The following TTLL1 variants were observed in gnomAD, a reference collection of about 807,000 sequenced individuals.
The protein encoded by TTLL1 is TTL family tubulin polyglutamylase complex subunit L1, also known as polyglutamylase complex subunit TTLL1.
TTLL1 carries 33 observed loss-of-function variants against 47.8 expected under a neutral mutation model. The observed-to-expected ratio is 0.69, with a 90% CI of 0.52 to 0.92. The LOEUF is 0.92. TTLL1 is among the 40% of genes least tolerant of loss of function. The pLI is 0.00. For missense variants in TTLL1, 488 were observed against 547.5 expected (o/e 0.89, Z 1.08); for synonymous variants, 225 against 214.1 (o/e 1.05, Z -0.45).
intron 1 of TTLL1, among the ~76,000 whole-genome samples, chr22:43,083,894 T>C (rs538197564): frequency 4.7e-4 from 72 of 152,232 alleles, no homozygotes; most frequent in African/African-American, 1.6e-3. Flanking sequence ...AAAAAGGATA[T>C]GTGTCAGCTA....
At chr22:43,043,449 T>C (rs1260128673) in intron 10 of TTLL1, among the ~76,000 whole-genome samples, 3 of 151,252 alleles carry the variant, frequency 2.0e-5, no homozygotes, top group Non-Finnish European at 4.4e-5. Flanking sequence ...ACAGACCCCC[T>C]CAGTCCTCCA....
Position 43,042,704 on chromosome 22 carries a change from C to T in TTLL1, c.1143-2799G>A, listed in dbSNP as rs375385748. 9.2e-5 allele frequency among the ~76,000 whole-genome samples: 14 copies of T among 152,248 alleles called. No homozygotes were observed. The East Asian group carries it at 1.5e-3, about 17-fold the overall frequency. On this transcript the variant is annotated intron_variant, in intron 10 of 10. Coordinates refer to ENST00000266254, the MANE Select transcript of TTLL1 (RefSeq NM_012263.5). ...GATGACGTGGCCCTCCCAGTCAGCA[C>T]CAACTGCTACTGCTGCTGGTGGCTG...
Position 43,051,731 on chromosome 22 carries a change from C to A in TTLL1, c.978+70G>T, listed in dbSNP as rs1340574306. On this transcript the variant is annotated intron_variant, in intron 9 of 10. Coordinates refer to ENST00000266254, the MANE Select transcript of TTLL1 (RefSeq NM_012263.5). ...ATCTGGGGCCTGGGGGACTGCTGGGCCCGAATCGGGGCAGAAGTGTGTTGG... is the reference window on the plus strand; with the variant it reads ...ATCTGGGGCCTGGGGGACTGCTGGGACCGAATCGGGGCAGAAGTGTGTTGG... 9 of 1,474,314 alleles carry A rather than the reference C, an allele frequency of 6.1e-6. No homozygotes were observed. In the East Asian group the frequency reaches 1.8e-4, roughly 30 times the overall value. The allele number at this position is 1,474,314 out of a possible 1,614,324, so 91.3% of individuals were successfully genotyped here.
rs1926650151 is a variant in TTLL1 at position 43,051,861 on chromosome 22, G to A, written c.918C>T (p.Cys306=). ...VAPVMNNDKH[C]FECYGYDIII... Reference sequence around the variant, plus strand: ...TGATGTCGTAGCCATAGCATTCAAAGCAGTGCTTGTCATTGTTCATCACCG... The same window carrying A: ...TGATGTCGTAGCCATAGCATTCAAAACAGTGCTTGTCATTGTTCATCACCG... Residue 306 remains cysteine, a synonymous_variant, in exon 9 of 11, where the codon TGC becomes TGT. Transcript: ENST00000266254. 6.2e-7 allele frequency: 1 copy of A among 1,614,044 alleles called. No individual in the cohort carries two copies. Among genetic ancestry groups the A allele is most frequent in the Non-Finnish European group, 8.5e-7 (1 of 1,180,016 alleles).
intron 8 of TTLL1, among the ~76,000 whole-genome samples, chr22:43,053,185 C>T (rs182519639): frequency 7.9e-5 from 12 of 152,284 alleles, no homozygotes; most frequent in Admixed American, 7.2e-4. Flanking sequence ...GTTTTACAGG[C>T]TCCTCAGAGA....
intron 8 of TTLL1, among the ~76,000 whole-genome samples, chr22:43,056,828 G>C (rs139962386): frequency 1.3e-5 from 2 of 151,906 alleles, no homozygotes; most frequent in East Asian, 3.9e-4. Flanking sequence ...AGGGCCTCAT[G>C]GTCACCCAGA....
At chr22:43,061,776 C>A (rs1927400808) in intron 7 of TTLL1, among the ~76,000 whole-genome samples, 1 of 152,300 alleles carries the variant, frequency 6.6e-6, no homozygotes, top group African/African-American at 2.4e-5. Context: ...CTGTAATGCT[C>A]CCTCTGGCAA....
At chr22:43,046,335 GA>G in intron 10 of TTLL1, 74 bp downstream of exon 10, 1 of 1,561,850 alleles carries the variant, frequency 6.4e-7, no homozygotes, top group Non-Finnish European at 8.7e-7. Context: ...CATATGCCCA[GA>G]AATCCAAGCT....
chr22:43,044,568 T>G (rs1023346920), intron 10 of TTLL1, among the ~76,000 whole-genome samples: 1 of 152,224 alleles, frequency 6.6e-6, no homozygotes, highest in East Asian at 1.9e-4. Context: ...ATTTTTGCTG[T>G]GACAGAAGCA....
chr22:43,058,130 G>C (rs1927147536), intron 8 of TTLL1, among the ~76,000 whole-genome samples: 1 of 151,932 alleles, frequency 6.6e-6, no homozygotes, highest in Non-Finnish European at 1.5e-5. Context: ...AGTTGTAGTA[G>C]AGACGGGGTT....
In TTLL1 at chr22:43,059,279, C is replaced by A. The variant is rs906999476; in HGVS notation, c.891+105G>T. 164 of 1,468,542 alleles carry A rather than the reference C, an allele frequency of 1.1e-4. 2 individuals are homozygous for A. The highest frequency in any genetic ancestry group is 8.5e-5 in the Non-Finnish European group (94 of 1,104,750). 91.0% of individuals were successfully genotyped at this position (1,468,542 alleles called of 1,614,324 possible). On this transcript the variant is annotated intron_variant, in intron 8 of 10. Transcript: ENST00000266254. ...AGCTTGCTGGGATTACAGGCGTGAGCCGCCGCGCACAGCTGAAAACAGGGA... is the reference window on the plus strand; with the variant it reads ...AGCTTGCTGGGATTACAGGCGTGAGACGCCGCGCACAGCTGAAAACAGGGA...
At chr22:43,073,359 A>G (rs201213942) in intron 3 of TTLL1, among the ~76,000 whole-genome samples, 3 of 110,030 alleles carry the variant, frequency 2.7e-5, no homozygotes, top group Non-Finnish European at 5.3e-5. Flanking sequence ...TTATTTATTT[A>G]TTTATTTTAT....
At chr22:43,046,786 C>T (rs1450573419) in intron 9 of TTLL1, among the ~76,000 whole-genome samples, 5 of 152,172 alleles carry the variant, frequency 3.3e-5, no homozygotes, top group Admixed American at 2.0e-4. Context: ...TCTCCTGCCT[C>T]AGCCTCCTGA....
At chr22:43,087,161 C>T (rs1271621204) in intron 1 of TTLL1, among the ~76,000 whole-genome samples, 1 of 152,202 alleles carries the variant, frequency 6.6e-6, no homozygotes, top group African/African-American at 2.4e-5. Context: ...CTGACTCCAC[C>T]ACATTGTCAC....
intron 10 of TTLL1, among the ~76,000 whole-genome samples, chr22:43,040,931 G>A (rs1478504600): frequency 6.6e-6 from 1 of 152,188 alleles, no homozygotes; most frequent in African/African-American, 2.4e-5. Flanking sequence ...CCACAGTGGC[G>A]GGGCCCTTCT....
At chr22:43,088,246 C>A (rs918273757) in intron 1 of TTLL1, among the ~76,000 whole-genome samples, 5 of 151,860 alleles carry the variant, frequency 3.3e-5, no homozygotes, top group African/African-American at 1.2e-4. Flanking sequence ...CATCTCCACG[C>A]CCGCACTGGG....
intron 9 of TTLL1, among the ~76,000 whole-genome samples, chr22:43,047,777 C>T (rs1055780296): frequency 1.3e-5 from 2 of 152,040 alleles, no homozygotes; most frequent in South Asian, 2.1e-4. Context: ...CCAGTCACTA[C>T]TTATTTACTC....
intron 10 of TTLL1, among the ~76,000 whole-genome samples, chr22:43,045,188 T>C (rs919381746): frequency 1.3e-5 from 2 of 152,022 alleles, no homozygotes; most frequent in Non-Finnish European, 2.9e-5. Context: ...GGCCACTTAA[T>C]AGACCGCAGA....
At chr22:43,086,852 T>C (rs180767104) in intron 1 of TTLL1, among the ~76,000 whole-genome samples, 13 of 152,264 alleles carry the variant, frequency 8.5e-5, no homozygotes, top group Admixed American at 4.6e-4. Context: ...AGCGGACCAA[T>C]GTGTGACACA....
Sources: allele counts gnomAD v4.1 joint callset (sites outside exome capture counted in the v4.1 genomes callset), GRCh38; gene constraint gnomAD v4.1.1; transcripts MANE v1.5; gene names NCBI Gene and HGNC (gene_info 2026-07-23, HGNC 2026-07-21).